The following BBOF1 variants were observed in gnomAD, a reference collection of about 807,000 sequenced individuals.
BBOF1 encodes basal body orientation factor 1, also known as basal body-orientation factor 1.
A neutral mutation model predicts 68.0 loss-of-function variants in BBOF1; 62 were observed. The ratio of observed to expected loss-of-function variants is 0.91; its 90% CI spans 0.74 to 1.13. The LOEUF (loss-of-function observed/expected upper bound fraction) is 1.13, where lower values mean the gene tolerates loss of function less well. BBOF1 is among the 50% of genes most tolerant of loss of function. BBOF1 has a pLI of 0.00. For synonymous variants in BBOF1, 208 were observed against 198.8 expected (o/e 1.05, Z -0.39); for missense variants, 534 against 600.1 (o/e 0.89, Z 1.15).
rs1256429812 is a variant in BBOF1, at chr14:74,060,918, A to G, written c.1578+3660A>G. Among the ~76,000 whole-genome samples, 5 of 152,104 alleles carry G rather than the reference A, an allele frequency of 3.3e-5. No individual in the cohort carries two copies. The East Asian group carries it at 7.7e-4, about 23-fold the overall frequency. ...ATAATTGATCTAAAACATTTAACAT[A>G]ATACCTGGCAGATAGTAAACAATCA... On this transcript the variant is annotated intron_variant, in intron 11 of 11. Transcript: ENST00000394009.
At chr14:74,032,660 A>C (rs1289606883) in intron 3 of BBOF1, among the ~76,000 whole-genome samples, 1 of 149,850 alleles carries the variant, frequency 6.7e-6, no homozygotes, top group Admixed American at 6.7e-5. Context: ...TGCCTGGCTA[A>C]TTTTTGTATT....
rs9652369 is a variant in BBOF1 at position 74,062,957 on chromosome 14, T to A, written c.1579-1731T>A. On this transcript the variant is annotated intron_variant, in intron 11 of 11. Coordinates refer to ENST00000394009, the MANE Select transcript of BBOF1 (RefSeq NM_025057.3). ...CAAATGTTTGGGCAGCCTGCTCTGTTCCAGGTACTGCAGATAAGTAGATAA... is the reference window on the plus strand; with the variant it reads ...CAAATGTTTGGGCAGCCTGCTCTGTACCAGGTACTGCAGATAAGTAGATAA... Among the ~76,000 whole-genome samples, 825 of 152,106 alleles carry A rather than the reference T, an allele frequency of 5.4e-3. 9 individuals carry two copies. The highest frequency in any genetic ancestry group is 0.019 in the African/African-American group (800 of 41,490).
chr14:74,039,058 G>C (rs931805439), intron 4 of BBOF1, among the ~76,000 whole-genome samples: 1 of 152,026 alleles, frequency 6.6e-6, no homozygotes, highest in Non-Finnish European at 1.5e-5. Flanking sequence ...AGCAAATTTA[G>C]CTTGGCTGAT....
intron 11 of BBOF1, among the ~76,000 whole-genome samples, chr14:74,063,189 TC>T (rs1248587899): frequency 7.0e-6 from 1 of 142,930 alleles, no homozygotes; most frequent in Non-Finnish European, 1.6e-5. Flanking sequence ...TAATAATTCT[TC>T]TTTTTTTTTT....
In BBOF1 at chr14:74,077,685, C is replaced by T. The variant is rs2060627463; in HGVS notation, n.1380-511C>T. Among the ~76,000 whole-genome samples the T allele has an allele frequency of 2.0e-5, 3 of 152,110 alleles. No individual in the cohort carries two copies. In the South Asian group the frequency reaches 6.2e-4, roughly 31 times the overall value. On this transcript the variant is annotated intron_variant and non_coding_transcript_variant, in intron 9 of 12. Coordinates refer to the BBOF1 transcript ENST00000492026. ...TTCATGAGGGATCCACCCCCATGACCCAAACACCTCCCACTAGGTCCCAAC... is the reference window on the plus strand; with the variant it reads ...TTCATGAGGGATCCACCCCCATGACTCAAACACCTCCCACTAGGTCCCAAC...
chr14:74,070,024 G>A (rs1446435201), downstream of BBOF1, among the ~76,000 whole-genome samples: 1 of 151,390 alleles, frequency 6.6e-6, no homozygotes, highest in Non-Finnish European at 1.5e-5. Flanking sequence ...TTTTTTTGTA[G>A]AGACGGGGGT....
At chr14:74,079,293 A>G (rs1006290093) in intron 10 of BBOF1, among the ~76,000 whole-genome samples, 7 of 150,196 alleles carry the variant, frequency 4.7e-5, no homozygotes, top group African/African-American at 7.5e-5. Context: ...CCTGCACTCA[A>G]TGGAGTACAA....
intron 1 of BBOF1, among the ~76,000 whole-genome samples, chr14:74,020,625 T>G (rs1032893510): frequency 6.6e-5 from 10 of 152,126 alleles, no homozygotes; most frequent in African/African-American, 2.4e-4. Flanking sequence ...TGCCTCAGCC[T>G]CCCGAGTAGC....
rs1305390477 is a variant in BBOF1 at position 74,064,878 on chromosome 14, A to C, written c.*179A>C. 6.2e-7 allele frequency: 1 copy of C among 1,614,158 alleles called. No individual in the cohort carries two copies. Among genetic ancestry groups the C allele is most frequent in the Admixed American group, 1.7e-5 (1 of 60,012 alleles). On this transcript the variant is annotated 3_prime_UTR_variant, in exon 12 of 12. Coordinates refer to ENST00000394009, the MANE Select transcript of BBOF1 (RefSeq NM_025057.3). ...AAGGAGGATCGAGAGCCGGTGAATG[A>C]GAACATTGGCAAAGGCACTGGAATG...
At chr14:74,046,434 A>G (rs2059950740) in intron 6 of BBOF1, among the ~76,000 whole-genome samples, 1 of 151,946 alleles carries the variant, frequency 6.6e-6, no homozygotes. Context: ...GTGCAGCGGC[A>G]TGAGCTTGGC....
intron 3 of BBOF1, among the ~76,000 whole-genome samples, chr14:74,031,589 G>C (rs556779230): frequency 2.0e-5 from 3 of 152,300 alleles, no homozygotes; most frequent in African/African-American, 7.2e-5. Context: ...TAGCATGGTT[G>C]AGTTCTTGGT....
chr14:74,075,754 G>T (rs2060606320), intron 9 of BBOF1, among the ~76,000 whole-genome samples: 1 of 152,012 alleles, frequency 6.6e-6, no homozygotes, highest in South Asian at 2.1e-4. Flanking sequence ...TTAAAATTAT[G>T]TCCATATAGG....
Position 74,019,442 on chromosome 14 carries a change from G to C in BBOF1, c.-37G>C. 6.3e-7 allele frequency: 1 copy of C among 1,588,126 alleles called. No individual in the cohort carries two copies. Among genetic ancestry groups the C allele is most frequent in the Non-Finnish European group, 8.6e-7 (1 of 1,167,904 alleles). The stretch of plus-strand genomic sequence containing the variant: ...AGAGCTGGCCAGGGCGGCCGCGGCT[G>C]GGCAACTACGACAGCGGAGCCCCTG... On this transcript the variant is annotated 5_prime_UTR_variant, in exon 1 of 12. Coordinates refer to ENST00000394009, the MANE Select transcript of BBOF1 (RefSeq NM_025057.3).
intron 7 of BBOF1, among the ~76,000 whole-genome samples, chr14:74,048,838 A>G (rs1472531155): frequency 3.3e-5 from 5 of 152,186 alleles, no homozygotes; most frequent in Non-Finnish European, 7.3e-5. Flanking sequence ...AGGAGATGCC[A>G]TAGTTTCCAA....
chr14:74,033,467 G>C (rs1355325400), intron 3 of BBOF1, among the ~76,000 whole-genome samples: 1 of 152,160 alleles, frequency 6.6e-6, no homozygotes, highest in African/African-American at 2.4e-5. Context: ...TACGCGGGAG[G>C]CTGAGGCAGG....
intron 1 of BBOF1, 85 bp downstream of exon 1, chr14:74,019,619 G>A: frequency 1.3e-6 from 2 of 1,533,890 alleles, no homozygotes; most frequent in Non-Finnish European, 1.8e-6. Context: ...CGCCCCCCGC[G>A]CCGGCCCACT....
intron 7 of BBOF1, 124 bp from the exon 8 acceptor site, chr14:74,049,578 C>G (rs2060020920): frequency 1.2e-6 from 1 of 800,258 alleles, no homozygotes; most frequent in Non-Finnish European, 1.9e-6. Flanking sequence ...AGGAGAATTG[C>G]TTGAACCCAG....
At chr14:74,072,420 A>C in intron 9 of BBOF1, 1 of 1,613,878 alleles carries the variant, frequency 6.2e-7, no homozygotes, top group Admixed American at 1.7e-5. Flanking sequence ...TCCACTGTAC[A>C]TCCAGTCACA....
intron 3 of BBOF1, among the ~76,000 whole-genome samples, chr14:74,032,148 C>A (rs530453445): frequency 4.9e-3 from 549 of 111,420 alleles, no homozygotes; most frequent in Admixed American, 0.012. Context: ...TTTTTTGAGA[C>A]AGAGTCTCGC....
Sources: gnomAD v4.1 joint callset for allele counts (sites outside exome capture counted in the v4.1 genomes callset) on GRCh38, gnomAD v4.1.1 for gene constraint, MANE v1.5 for transcripts, NCBI Gene and HGNC (gene_info 2026-07-23, HGNC 2026-07-21) for gene names.